The following RGMA variants were observed in gnomAD, a reference collection of about 807,000 sequenced individuals.
RGMA encodes the protein repulsive guidance molecule A.
Under a neutral mutation model 23.2 loss-of-function variants are expected in RGMA, and 10 were observed. The observed-to-expected ratio is 0.43, with a 90% CI of 0.27 to 0.73. The LOEUF (loss-of-function observed/expected upper bound fraction) is 0.73, where lower values mean the gene tolerates loss of function less well. Ranked by LOEUF, RGMA falls within the 30% of genes least tolerant of loss-of-function variation. RGMA has a pLI of 0.20. For missense variants in RGMA, 547 were observed against 630.5 expected (o/e 0.87, Z 1.42); for synonymous variants, 308 against 279.3 (o/e 1.10, Z -1.03).
rs1035199177 is a variant in RGMA, at chr15:93,054,013, T to C, written c.131-1506A>G. ...GGGAGGCCGAGGCAGGCAGATCATG[T>C]GAGGTCTGGAGCTCGAGACCAGCCT... On this transcript the variant is annotated intron_variant, in intron 2 of 3. Coordinates refer to ENST00000329082, the MANE Select transcript of RGMA (RefSeq NM_020211.3). Among the ~76,000 whole-genome samples the C allele has an allele frequency of 2.0e-5, 3 of 152,234 alleles. No homozygotes were observed. The South Asian group carries it at 6.2e-4, about 32-fold the overall frequency.
Position 93,036,570 on chromosome 15 carries a change from G to C in RGMA, c.*8428C>G, listed in dbSNP as rs1477031179. ...TCATCAAACCGCTCTGATGGAGCCT[G>C]CCTGCCCTTTGAGCCCCTCCTCAGT... is the stretch of plus-strand genomic sequence containing the variant. On this transcript the variant is annotated 3_prime_UTR_variant, in exon 4 of 4. Coordinates refer to ENST00000329082, the MANE Select transcript of RGMA (RefSeq NM_020211.3). 1 of 152,542 alleles carries C rather than the reference G, an allele frequency of 6.6e-6. No homozygotes were observed. Among genetic ancestry groups the C allele is most frequent in the African/African-American group, 2.4e-5 (1 of 41,454 alleles). The allele number at this position is 152,542 out of a possible 1,614,324, so 9.4% of individuals were successfully genotyped here.
In RGMA at chr15:93,089,055, C is replaced by A. The variant is rs1331922873; in HGVS notation, c.-123G>T. On this transcript the variant is annotated 5_prime_UTR_variant, in exon 1 of 4. Coordinates refer to ENST00000329082, the MANE Select transcript of RGMA (RefSeq NM_020211.3). The stretch of plus-strand genomic sequence containing the variant: ...GCTCCGCTGGCGCTGGTCCCCGCCG[C>A]CCCGGCCGGCTCAGCAGCGGCCCGG... 3.9e-6 allele frequency: 2 copies of A among 519,210 alleles called. No individual in the cohort carries two copies. The highest frequency in any genetic ancestry group is 6.1e-6 in the Non-Finnish European group (2 of 328,948). The allele number at this position is 519,210 out of a possible 1,614,324, so 32.2% of individuals were successfully genotyped here.
chr15:93,050,018 C>T (rs977952302), intron 3 of RGMA, among the ~76,000 whole-genome samples: 1 of 152,244 alleles, frequency 6.6e-6, no homozygotes, highest in Non-Finnish European at 1.5e-5. Context: ...GATGTCGACT[C>T]CTCTGTTCCT....
At chr15:93,049,101 C>T (rs186619564) in intron 3 of RGMA, among the ~76,000 whole-genome samples, 4 of 152,206 alleles carry the variant, frequency 2.6e-5, no homozygotes, top group South Asian at 2.1e-4. Context: ...GCTGGCGGCT[C>T]GCTGCCAACA....
intron 1 of RGMA, among the ~76,000 whole-genome samples, chr15:93,075,084 T>C (rs1895449636): frequency 6.8e-6 from 1 of 146,584 alleles, no homozygotes; most frequent in Admixed American, 6.9e-5. Context: ...AATGGACTTT[T>C]CACAGCAGGA....
chr15:93,046,202 T>C (rs1351754954), intron 3 of RGMA, among the ~76,000 whole-genome samples: 1 of 152,072 alleles, frequency 6.6e-6, no homozygotes, highest in Non-Finnish European at 1.5e-5. Flanking sequence ...CTAGATGGAA[T>C]CACAAGTATC....
chr15:93,070,030 G>T (rs1406007190), intron 2 of RGMA, among the ~76,000 whole-genome samples: 4 of 152,150 alleles, frequency 2.6e-5, no homozygotes, highest in African/African-American at 9.7e-5. Flanking sequence ...GTCTGCCTGT[G>T]CTGTCCCCAA....
chr15:93,057,079 C>T (rs546658867), intron 2 of RGMA, among the ~76,000 whole-genome samples: 6 of 152,280 alleles, frequency 3.9e-5, no homozygotes, highest in Non-Finnish European at 7.4e-5. Context: ...ACTCTCAGGG[C>T]GCAGTGGATT....
Position 93,044,651 on chromosome 15 carries a change from G to A in RGMA, c.*347C>T. 2.8e-6 allele frequency: 1 copy of A among 350,964 alleles called. No individual in the cohort carries two copies. Among genetic ancestry groups the A allele is most frequent in the Non-Finnish European group, 5.3e-6 (1 of 189,648 alleles). 21.7% of individuals were successfully genotyped at this position (350,964 alleles called of 1,614,324 possible). A position where few individuals can be genotyped will look rare whatever the true frequency, so the allele number is the denominator to read the frequency against. The stretch of plus-strand genomic sequence containing the variant: ...GGCCGGGCCTTTCAGTGCATTGCGA[G>A]GGGGAAGGAGCTGACTCTGACGGTT... On this transcript the variant is annotated 3_prime_UTR_variant, in exon 4 of 4. Transcript: ENST00000329082.
intron 2 of RGMA, among the ~76,000 whole-genome samples, chr15:93,056,762 G>A (rs900732385): frequency 2.0e-5 from 3 of 152,166 alleles, no homozygotes; most frequent in Admixed American, 6.5e-5. Context: ...CAGTAGTTTC[G>A]GGAACTTGAC....
chr15:93,061,831 CTGAT>C (rs1399885889), intron 2 of RGMA, among the ~76,000 whole-genome samples: 3 of 152,128 alleles, frequency 2.0e-5, no homozygotes, highest in Admixed American at 6.5e-5. Context: ...GAATAATAGC[CTGAT>C]TATTACCGCC....
At chr15:93,056,698 C>G (rs1341240381) in intron 2 of RGMA, among the ~76,000 whole-genome samples, 1 of 152,222 alleles carries the variant, frequency 6.6e-6, no homozygotes, top group African/African-American at 2.4e-5. Context: ...GGCTGAGGGC[C>G]AGCACAGGCC....
chr15:93,076,696 T>G (rs1881838), intron 1 of RGMA, among the ~76,000 whole-genome samples: 69,621 of 152,006 alleles, frequency 0.46, 16,911 homozygotes, highest in African/African-American at 0.62. Context: ...TTTCAGCTAA[T>G]GAAGATTCTA....
chr15:93,070,342 G>A (rs983098713), intron 2 of RGMA, among the ~76,000 whole-genome samples: 7 of 152,196 alleles, frequency 4.6e-5, no homozygotes, highest in African/African-American at 9.7e-5. Flanking sequence ...AGAACAAACC[G>A]AGGCTTTCAC....
intron 1 of RGMA, 73 bp downstream of exon 1, chr15:93,088,846 T>G: frequency 7.4e-7 from 1 of 1,357,176 alleles, no homozygotes; most frequent in Non-Finnish European, 1.0e-6. Context: ...AGCAGCGCCG[T>G]GGCCCCGGCA....
intron 2 of RGMA, among the ~76,000 whole-genome samples, chr15:93,070,313 C>G (rs1308862111): frequency 6.6e-6 from 1 of 152,206 alleles, no homozygotes; most frequent in African/African-American, 2.4e-5. Context: ...TCCTGGCAGC[C>G]ATTCAAGCTG....
At chr15:93,048,939 C>T (rs542853599) in intron 3 of RGMA, among the ~76,000 whole-genome samples, 2 of 152,274 alleles carry the variant, frequency 1.3e-5, no homozygotes, top group South Asian at 4.1e-4. Flanking sequence ...CAAGTGCCAT[C>T]AGTCTCCCTG....
Position 93,038,563 on chromosome 15 carries a change from T to C in RGMA, c.*6435A>G, listed in dbSNP as rs1465295791. On this transcript the variant is annotated 3_prime_UTR_variant, in exon 4 of 4. Coordinates refer to ENST00000329082, the MANE Select transcript of RGMA (RefSeq NM_020211.3). ...GACATTGCCTTAATGAACGAAACTGTTAGTTGTTTTTTTTTTTTTTTTGAG... is the reference window on the plus strand; with the variant it reads ...GACATTGCCTTAATGAACGAAACTGCTAGTTGTTTTTTTTTTTTTTTTGAG... The C allele has an allele frequency of 1.4e-5, 2 of 138,200 alleles. No homozygotes were observed. The highest frequency in any genetic ancestry group is 5.8e-5 in the African/African-American group (2 of 34,408). 8.6% of individuals were successfully genotyped at this position (138,200 alleles called of 1,614,324 possible).
In RGMA at chr15:93,046,973, T is replaced by C. The variant is rs144265340; in HGVS notation, c.646-1268A>G. Among the ~76,000 whole-genome samples, 1,116 of 152,308 alleles carry C rather than the reference T, an allele frequency of 7.3e-3. 20 individuals carry two copies. The highest frequency in any genetic ancestry group is 0.025 in the African/African-American group (1,050 of 41,554). ...GCATGCTAAGCACTGCATGTATTACTTCCAGTCTCGTGTGACACTGCAAGG... is the reference window on the plus strand; with the variant it reads ...GCATGCTAAGCACTGCATGTATTACCTCCAGTCTCGTGTGACACTGCAAGG... On this transcript the variant is annotated intron_variant, in intron 3 of 3. Transcript: ENST00000329082.
Sources: gnomAD v4.1 joint callset for allele counts (sites outside exome capture counted in the v4.1 genomes callset) on GRCh38, gnomAD v4.1.1 for gene constraint, MANE v1.5 for transcripts, NCBI Gene and HGNC (gene_info 2026-07-23, HGNC 2026-07-21) for gene names.